FANCM: variants seen among roughly 807,000 people sequenced by gnomAD.
FANCM encodes Fanconi anemia group M protein.
A neutral mutation model predicts 199.5 loss-of-function variants in FANCM; 140 were observed. The ratio of observed to expected loss-of-function variants is 0.70; its 90% CI spans 0.61 to 0.81. FANCM has a LOEUF of 0.81. Among genes scored for constraint, FANCM ranks in the 30% least tolerant of loss-of-function variants. The pLI is 0.00. For synonymous variants in FANCM, 840 were observed against 836.8 expected, an observed-to-expected ratio of 1.00 and a Z score of -0.07; for missense variants, 2,410 against 2,421.4, an observed-to-expected ratio of 1.00 and a Z score of 0.10.
intron 8 of FANCM, among the ~76,000 whole-genome samples, chr14:45,157,161 C>A (rs1161674991): frequency 6.6e-6 from 1 of 151,636 alleles, no homozygotes; most frequent in South Asian, 2.1e-4. Flanking sequence ...AAAAGAATAA[C>A]AAAAGAAAGA....
chr14:45,149,117 A>C, intron 4 of FANCM, 122 bp downstream of exon 4: 2 of 913,774 alleles, frequency 2.2e-6, no homozygotes, highest in Non-Finnish European at 3.3e-6. Context: ...ATATGTTGAA[A>C]AAATTCTTTG....
Position 45,136,323 on chromosome 14 carries a change from A to G in FANCM, c.292A>G (p.Ile98Val). 3 of 1,614,020 alleles carry G rather than the reference A, an allele frequency of 1.9e-6. No homozygotes were observed. Among genetic ancestry groups the G allele is most frequent in the Non-Finnish European group, 1.7e-6 (2 of 1,179,982 alleles). The change falls in exon 1 of 23, where the codon ATT (isoleucine) becomes GTT (valine). Residue 98 changes from isoleucine to valine, a missense_variant. Physicochemically the swap from Ile to Val is conservative, Grantham distance 29. Transcript: ENST00000267430. ...CCCAGTGCGGGACTACCAGCTGCACATTTCCCGGGCTGCTCTGTTTTGCAA... is the reference window on the plus strand; with the variant it reads ...CCCAGTGCGGGACTACCAGCTGCACGTTTCCCGGGCTGCTCTGTTTTGCAA... ...NCPVRDYQLH[I>V]SRAALFCNTL... is the part of the protein sequence containing the mutation.
rs996666429 is a variant in FANCM, at chr14:45,176,073, G to C, written c.3319G>C (p.Ala1107Pro). The change falls in exon 14 of 23, where the codon GCA (alanine) becomes CCA (proline). Residue 1107 changes from alanine (A) to proline (P), a missense_variant. Transcript: ENST00000267430. ...NNRVQIHRSP[A>P]QNLVGENNHD... ...TCGTGTTCAAATACACAGAAGCCCTGCACAGAATTTAGTTGGAGAGAACAA... is the reference window on the plus strand; with the variant it reads ...TCGTGTTCAAATACACAGAAGCCCTCCACAGAATTTAGTTGGAGAGAACAA... 4 of 1,614,030 alleles carry C rather than the reference G, an allele frequency of 2.5e-6. No homozygotes were observed. The highest frequency in any genetic ancestry group is 4.5e-5 in the East Asian group (2 of 44,868).
intron 12 of FANCM, 151 bp downstream of exon 12, chr14:45,170,897 T>C: frequency 2.8e-6 from 2 of 707,442 alleles, no homozygotes; most frequent in Non-Finnish European, 4.9e-6. Context: ...AAATTAAGAA[T>C]GTAATCAGTG....
At chr14:45,189,835 G>T (rs1276360791) in intron 20 of FANCM, among the ~76,000 whole-genome samples, 1 of 152,044 alleles carries the variant, frequency 6.6e-6, no homozygotes, top group African/African-American at 2.4e-5. Flanking sequence ...AGGTGTGGTT[G>T]CGTATCCCTG....
In FANCM at chr14:45,159,209, A is replaced by ACTC; in HGVS notation, c.1510_1511insCTC (p.Ile503_Arg504insThr). 6.2e-7 allele frequency: 1 copy of ACTC among 1,613,906 alleles called. No homozygotes were observed. Among genetic ancestry groups the ACTC allele is most frequent in the Non-Finnish European group, 8.5e-7 (1 of 1,179,812 alleles). On this transcript the variant is annotated inframe_insertion, in exon 9 of 23. Transcript: ENST00000267430. ...GCTTTCACAGCATCAGCCAATTATT[A>ACTC]GAGTAATGACTTTTGTCGGCCATGC... is the stretch of plus-strand genomic sequence containing the variant.
intron 10 of FANCM, among the ~76,000 whole-genome samples, chr14:45,164,866 A>G (rs1443684321): frequency 1.3e-5 from 2 of 152,230 alleles, no homozygotes; most frequent in African/African-American, 4.8e-5. Context: ...GCTTCTAAAG[A>G]AGGCCTGTGC....
At position 45,189,264 on chromosome 14, in the gene FANCM, T is replaced by C; in HGVS notation, c.5242T>C (p.Phe1748Leu). The stretch of plus-strand genomic sequence containing the variant: ...GGATACAATTTCCGAAGTCTCAGAC[T>C]TCAAACCTCAGAATCATAATGAAGT... ...LKDTISEVSD[F>L]KPQNHNEVQS... The change falls in exon 20 of 23, where the codon TTC becomes CTC. Residue 1748 changes from phenylalanine (F) to leucine (L), a missense_variant. Physicochemically the swap from Phe to Leu is conservative, Grantham distance 22 (BLOSUM62 0). Transcript: ENST00000267430. 6.2e-7 allele frequency: 1 copy of C among 1,613,988 alleles called. No individual in the cohort carries two copies. Among genetic ancestry groups the C allele is most frequent in the Non-Finnish European group, 8.5e-7 (1 of 1,179,878 alleles).
At position 45,175,258 on chromosome 14, in the gene FANCM, A is replaced by G. The variant is rs1467612893; in HGVS notation, c.2504A>G (p.Glu835Gly). 2.5e-6 allele frequency: 4 copies of G among 1,604,636 alleles called. No homozygotes were observed. Among genetic ancestry groups the G allele is most frequent in the African/African-American group, 1.3e-5 (1 of 74,518 alleles). ...TCCTCAGTGATAGAATCTGATGAAG[A>G]ATGTGCTGAAATTGTTAAACAAACT... is the stretch of plus-strand genomic sequence containing the variant. Reference protein sequence around the residue: ...SSSSVIESDEECAEIVKQTHI... With the variant: ...SSSSVIESDEGCAEIVKQTHI... The change falls in exon 14 of 23, where the codon GAA (glutamate) becomes GGA (glycine). Residue 835 changes from glutamate to glycine, a missense_variant. By Grantham distance (98) the Glu-to-Gly change is moderately conservative. Transcript: ENST00000267430.
intron 3 of FANCM, among the ~76,000 whole-genome samples, chr14:45,148,080 C>T (rs892669450): frequency 6.6e-6 from 1 of 151,934 alleles, no homozygotes; most frequent in East Asian, 1.9e-4. Context: ...GCCTGTAATC[C>T]CAGCTACTGG....
At chr14:45,143,690 A>ATTTT (rs869298490) in intron 3 of FANCM, among the ~76,000 whole-genome samples, 6 of 123,968 alleles carry the variant, frequency 4.8e-5, no homozygotes, top group Admixed American at 8.3e-5. Context: ...TTGAGTAAGG[A>ATTTT]TTTTTTTTTT....
At position 45,189,335 on chromosome 14, in the gene FANCM, C is replaced by T; in HGVS notation, c.5313C>T (p.Asp1771=). The T allele has an allele frequency of 6.2e-7, 1 of 1,613,366 alleles. No individual in the cohort carries two copies. The change falls in exon 20 of 23, where the codon GAC becomes GAT. Residue 1771 remains aspartate, a synonymous_variant. Coordinates refer to ENST00000267430, the MANE Select transcript of FANCM (RefSeq NM_020937.4). ...TCACTACTGTTGATTCACAGAAAGA[C>T]TGTAGAAAATTTCCAGTTCCACAGA... ...PPFTTVDSQK[D]CRKFPVPQKD...
intron 11 of FANCM, among the ~76,000 whole-genome samples, chr14:45,167,716 A>G (rs986255153): frequency 6.6e-6 from 1 of 152,162 alleles, no homozygotes; most frequent in African/African-American, 2.4e-5. Context: ...TATTTGCACT[A>G]TGAAAGTGAG....
chr14:45,141,852 G>A (rs1885989247), intron 3 of FANCM, among the ~76,000 whole-genome samples: 1 of 151,932 alleles, frequency 6.6e-6, no homozygotes, highest in Non-Finnish European at 1.5e-5. Context: ...GCCTCCCAAA[G>A]TGCTGGGATT....
chr14:45,138,851 C>T (rs1885714244), intron 2 of FANCM, among the ~76,000 whole-genome samples: 1 of 152,172 alleles, frequency 6.6e-6, no homozygotes, highest in African/African-American at 2.4e-5. Context: ...TACACCTGCT[C>T]CATGAGGCAC....
intron 9 of FANCM, among the ~76,000 whole-genome samples, chr14:45,162,175 C>T (rs866603094): frequency 6.6e-6 from 1 of 152,120 alleles, no homozygotes; most frequent in Non-Finnish European, 1.5e-5. Context: ...CATTTGAGGT[C>T]AGGAGTTTGA....
chr14:45,154,852 G>A (rs758398246), intron 7 of FANCM, 30 bp downstream of exon 7: 17 of 1,591,524 alleles, frequency 1.1e-5, no homozygotes, highest in Non-Finnish European at 1.4e-5. Flanking sequence ...ATTATGTATT[G>A]TGTTGTGTTT....
intron 5 of FANCM, among the ~76,000 whole-genome samples, chr14:45,152,176 G>GCAT (rs1886872237): frequency 6.6e-6 from 1 of 151,664 alleles, no homozygotes; most frequent in African/African-American, 2.4e-5. Flanking sequence ...CTACAGGCAC[G>GCAT]CATCACCACG....
rs527417380 is a variant in FANCM, at chr14:45,154,766, G to C, written c.1253G>C (p.Cys418Ser). Residue 418 changes from cysteine to serine, a missense_variant, in exon 7 of 23, where the codon TGT (cysteine) becomes TCT (serine). By Grantham distance (112) the Cys-to-Ser change is moderately radical. Coordinates refer to ENST00000267430, the MANE Select transcript of FANCM (RefSeq NM_020937.4). ...DFMKLYNHLE[C>S]MFARTRSTSA... Reference sequence around the variant, plus strand: ...ATGAAACTCTATAATCATCTAGAGTGTATGTTTGCACGTACACGTAGTACT... The same window carrying C: ...ATGAAACTCTATAATCATCTAGAGTCTATGTTTGCACGTACACGTAGTACT... The C allele has an allele frequency of 6.2e-7, 1 of 1,602,846 alleles. No individual in the cohort carries two copies. Among genetic ancestry groups the C allele is most frequent in the Admixed American group, 1.7e-5 (1 of 59,824 alleles).
Sources: allele counts gnomAD v4.1 joint callset (sites outside exome capture counted in the v4.1 genomes callset), GRCh38; gene constraint gnomAD v4.1.1; transcripts MANE v1.5; gene names NCBI Gene and HGNC (gene_info 2026-07-23, HGNC 2026-07-21).